The following SASH1 variants were observed in gnomAD, a reference collection of about 807,000 sequenced individuals.
SASH1 encodes SAM and SH3 domain-containing protein 1.
A neutral mutation model predicts 125.2 loss-of-function variants in SASH1; 44 were observed. The observed-to-expected ratio is 0.35, with a 90% CI of 0.28 to 0.45. SASH1 has a LOEUF of 0.45. SASH1 is among the 20% of genes least tolerant of loss of function. The pLI, the probability that SASH1 is intolerant of heterozygous loss-of-function variation, is 1.00. For synonymous variants in SASH1, 639 were observed against 649.1 expected (o/e 0.98, Z 0.24); for missense variants, 1,426 against 1,614.5 (o/e 0.88, Z 2.00).
At chr6:148,269,760 G>C (rs1166393522), upstream of SASH1, among the ~76,000 whole-genome samples, 2 of 152,076 alleles carry the variant, frequency 1.3e-5, no homozygotes, top group South Asian at 4.2e-4. Flanking sequence ...AGGGGTGTGG[G>C]GGGGCACAAT....
chr6:148,282,147 A>G (rs572194041), intron 1 of SASH1, among the ~76,000 whole-genome samples: 3 of 152,318 alleles, frequency 2.0e-5, no homozygotes, highest in African/African-American at 7.2e-5. Flanking sequence ...CTTCACAGAA[A>G]GGTCTCCGCC....
intron 1 of SASH1, among the ~76,000 whole-genome samples, chr6:148,388,956 TAAA>T (rs753689475): frequency 8.5e-5 from 12 of 141,404 alleles, no homozygotes; most frequent in Admixed American, 1.4e-4. Context: ...GTTGGGAGGT[TAAA>T]AAAAAAAAAA....
intron 2 of SASH1, among the ~76,000 whole-genome samples, chr6:148,412,958 G>A (rs1310022831): frequency 6.6e-6 from 1 of 152,164 alleles, no homozygotes; most frequent in Non-Finnish European, 1.5e-5. Flanking sequence ...ACTCTGTAGG[G>A]AAATATTTAC....
intron 1 of SASH1, among the ~76,000 whole-genome samples, chr6:148,389,255 G>A (rs991529772): frequency 6.6e-6 from 1 of 152,202 alleles, no homozygotes; most frequent in Non-Finnish European, 1.5e-5. Flanking sequence ...AGTAGGTGTT[G>A]TGATTATTCA....
In SASH1 at chr6:148,474,108, A is replaced by G; in HGVS notation, c.515-2A>G. The G allele has an allele frequency of 1.2e-6, 2 of 1,600,336 alleles. No homozygotes were observed. The highest frequency in any genetic ancestry group is 1.1e-5 in the South Asian group (1 of 89,584). On this transcript the variant is annotated splice_acceptor_variant, in intron 6 of 19. Transcript: ENST00000367467. LOFTEE classifies it high-confidence loss of function. The stretch of plus-strand genomic sequence containing the variant: ...CTGTTGTTCTTTGTCCTCAATCTCC[A>G]GGAGAAGACGTTGGTTATGTTGCCA...
the SASH1 span, among the ~76,000 whole-genome samples, chr6:148,200,407 T>C: frequency 1.3e-5 from 2 of 152,208 alleles, no homozygotes; most frequent in Non-Finnish European, 2.9e-5. Context: ...CTGTGATCTC[T>C]GCAGCTCACA....
At chr6:148,502,091 A>T (rs1361452434) in intron 8 of SASH1, among the ~76,000 whole-genome samples, 2 of 152,196 alleles carry the variant, frequency 1.3e-5, no homozygotes, top group African/African-American at 4.8e-5. Flanking sequence ...TAAAACTATC[A>T]TGTAATTATC....
At chr6:148,326,335 T>TATATATATATATGC (rs1780804564) in intron 1 of SASH1, among the ~76,000 whole-genome samples, 3 of 67,146 alleles carry the variant, frequency 4.5e-5, no homozygotes, top group Non-Finnish European at 5.9e-5. Context: ...TATATATATA[T>TATATATATATATGC]ATATATATAT....
intron 19 of SASH1, 94 bp from the exon 20 acceptor site, chr6:148,548,201 G>A (rs1330637813): frequency 9.0e-7 from 1 of 1,112,616 alleles, no homozygotes; most frequent in African/African-American, 1.6e-5. Flanking sequence ...GTCTAGCAAT[G>A]CAGTATTTCA....
the SASH1 span, among the ~76,000 whole-genome samples, chr6:148,262,979 A>G: frequency 0.037 from 5,616 of 152,312 alleles, 136 homozygotes; most frequent in South Asian, 0.064. Flanking sequence ...CAGCACTAGA[A>G]AAAACACCAT....
chr6:148,234,451 G>C, the SASH1 span, among the ~76,000 whole-genome samples: 2 of 152,110 alleles, frequency 1.3e-5, 1 homozygote, highest in Middle Eastern at 6.8e-3. Flanking sequence ...AGCATCTAGG[G>C]CTTGGCAGGA....
chr6:148,345,292 C>T (rs1353313700), intron 1 of SASH1, among the ~76,000 whole-genome samples: 1 of 152,132 alleles, frequency 6.6e-6, no homozygotes, highest in African/African-American at 2.4e-5. Context: ...GATTCCAGCA[C>T]TGTTGGGTCA....
intron 4 of SASH1, among the ~76,000 whole-genome samples, chr6:148,467,753 A>G (rs901311802): frequency 1.3e-5 from 2 of 152,180 alleles, no homozygotes; most frequent in Admixed American, 6.6e-5. Context: ...CCTGGCCAAC[A>G]TGGTGAAACC....
intron 13 of SASH1, 147 bp downstream of exon 13, chr6:148,531,808 G>GACTC (rs1781534937): frequency 3.3e-6 from 2 of 602,070 alleles, no homozygotes. Flanking sequence ...AAACTCTCTG[G>GACTC]ACTCAGAGTC....
chr6:148,310,376 C>G (rs1324366743), intron 1 of SASH1, among the ~76,000 whole-genome samples: 2 of 150,518 alleles, frequency 1.3e-5, no homozygotes, highest in South Asian at 2.1e-4. Flanking sequence ...CAAATCTCTG[C>G]TGTATCTATT....
chr6:148,366,106 C>G (rs1782443809), intron 1 of SASH1, among the ~76,000 whole-genome samples: 1 of 149,528 alleles, frequency 6.7e-6, no homozygotes, highest in Non-Finnish European at 1.5e-5. Flanking sequence ...GAGTGAAACT[C>G]TGTCTCAAAA....
intron 1 of SASH1, among the ~76,000 whole-genome samples, chr6:148,310,303 A>G (rs1780266573): frequency 6.6e-6 from 1 of 152,184 alleles, no homozygotes; most frequent in Non-Finnish European, 1.5e-5. Flanking sequence ...GCTGGGCGAC[A>G]AGAGTGAAAC....
intron 1 of SASH1, among the ~76,000 whole-genome samples, chr6:148,349,544 G>A (rs1418280599): frequency 2.0e-5 from 3 of 152,052 alleles, no homozygotes; most frequent in Non-Finnish European, 4.4e-5. Flanking sequence ...GATTACAGGC[G>A]TGAGCCACGA....
At chr6:148,466,344 G>A (rs1400423975) in intron 4 of SASH1, among the ~76,000 whole-genome samples, 5 of 152,172 alleles carry the variant, frequency 3.3e-5, no homozygotes, top group African/African-American at 4.8e-5. Flanking sequence ...GCACTCAGCC[G>A]TGGAGAATGG....
Sources: allele counts gnomAD v4.1 joint callset (sites outside exome capture counted in the v4.1 genomes callset), GRCh38; gene constraint gnomAD v4.1.1; transcripts MANE v1.5; gene names NCBI Gene and HGNC (gene_info 2026-07-23, HGNC 2026-07-21).